FSTL5: variants seen among roughly 807,000 people sequenced by gnomAD.
FSTL5 encodes the protein follistatin-related protein 5.
A neutral mutation model predicts 89.1 loss-of-function variants in FSTL5; 62 were observed. The observed-to-expected ratio is 0.70, with a 90% CI of 0.57 to 0.86. FSTL5 has a LOEUF of 0.86. Among genes scored for constraint, FSTL5 ranks in the 40% least tolerant of loss-of-function variants. The probability of loss-of-function intolerance (pLI) is 0.00; values close to 1 mark genes in which losing one functional copy is unlikely to be tolerated. For missense variants in FSTL5, 1,057 were observed against 1,001.6 expected (o/e 1.06, Z -0.75); for synonymous variants, 383 against 346.2 (o/e 1.11, Z -1.18).
Position 161,633,247 on chromosome 4 carries a change from CTTTTGT to C in FSTL5, c.894+23075_894+23080del, listed in dbSNP as rs750306360. On this transcript the variant is annotated intron_variant, in intron 7 of 15. Transcript: ENST00000306100. ...ACTAAATTATACAGCTTCCCCCCCA[CTTTTGT>C]TTTTGTTTTTGTTTTCTGTGTCTTT... Among the ~76,000 whole-genome samples, 55 of 149,908 alleles carry C rather than the reference CTTTTGT, an allele frequency of 3.7e-4. No individual in the cohort carries two copies. In the East Asian group the frequency reaches 5.8e-3, roughly 16 times the overall value.
chr4:161,785,305 G>C (rs1741861900), intron 4 of FSTL5, among the ~76,000 whole-genome samples: 1 of 152,154 alleles, frequency 6.6e-6, no homozygotes. Flanking sequence ...CTATCCAGGA[G>C]TCAGTCTCAG....
At chr4:161,827,815 CAG>C (rs1231628276) in intron 4 of FSTL5, among the ~76,000 whole-genome samples, 1 of 152,112 alleles carries the variant, frequency 6.6e-6, no homozygotes, top group East Asian at 1.9e-4. Flanking sequence ...CCCAACAGCA[CAG>C]AGTTTGTTTC....
chr4:162,001,733 G>A (rs924925380), intron 3 of FSTL5, among the ~76,000 whole-genome samples: 3 of 152,088 alleles, frequency 2.0e-5, no homozygotes. Context: ...GACTCTTCAA[G>A]CCCAGGATTT....
chr4:161,728,427 C>A (rs1375121735), intron 6 of FSTL5, among the ~76,000 whole-genome samples: 1 of 151,962 alleles, frequency 6.6e-6, no homozygotes, highest in African/African-American at 2.4e-5. Context: ...AAGGGCTGTG[C>A]AAAGATTTGG....
intron 1 of FSTL5, among the ~76,000 whole-genome samples, chr4:162,151,786 C>T (rs767976842): frequency 1.1e-4 from 17 of 152,144 alleles, no homozygotes; most frequent in Non-Finnish European, 2.4e-4. Context: ...AATATTTAAA[C>T]AATTCCGAAT....
At chr4:161,863,320 T>C (rs1003536623) in intron 4 of FSTL5, among the ~76,000 whole-genome samples, 2 of 152,212 alleles carry the variant, frequency 1.3e-5, no homozygotes, top group African/African-American at 4.8e-5. Flanking sequence ...TTTTACTATA[T>C]ACAGTAAAAT....
chr4:161,580,733 G>T (rs978681702), intron 8 of FSTL5, among the ~76,000 whole-genome samples: 4 of 152,134 alleles, frequency 2.6e-5, no homozygotes, highest in African/African-American at 9.7e-5. Flanking sequence ...GCTTCCTTGA[G>T]TGTAGTTGAT....
chr4:161,809,000 C>T (rs765280338), intron 4 of FSTL5, among the ~76,000 whole-genome samples: 4 of 152,106 alleles, frequency 2.6e-5, no homozygotes, highest in Non-Finnish European at 4.4e-5. Context: ...GGGCAGATCA[C>T]GAGGTCAGAA....
intron 6 of FSTL5, among the ~76,000 whole-genome samples, chr4:161,736,761 C>T (rs1175321007): frequency 6.6e-6 from 1 of 151,940 alleles, no homozygotes; most frequent in Non-Finnish European, 1.5e-5. Context: ...AAAACAGATT[C>T]CTCTGTATGG....
intron 4 of FSTL5, among the ~76,000 whole-genome samples, chr4:161,786,930 G>A (rs17041484): frequency 0.068 from 10,290 of 151,846 alleles, 588 homozygotes; most frequent in African/African-American, 0.16. Flanking sequence ...TTTTTTATTC[G>A]CACACTTGCA....
intron 15 of FSTL5, among the ~76,000 whole-genome samples, chr4:161,423,047 T>C (rs1247032478): frequency 6.6e-6 from 1 of 152,218 alleles, no homozygotes; most frequent in African/African-American, 2.4e-5. Context: ...GAATTAATAA[T>C]GAGAGACTAT....
chr4:161,647,443 CT>C (rs1370698209), intron 7 of FSTL5, among the ~76,000 whole-genome samples: 8 of 151,308 alleles, frequency 5.3e-5, no homozygotes, highest in Non-Finnish European at 1.2e-4. Context: ...TTTGTTTCTT[CT>C]TTTGCAGTGT....
intron 3 of FSTL5, among the ~76,000 whole-genome samples, chr4:161,986,906 T>G (rs1272484897): frequency 6.6e-6 from 1 of 152,174 alleles, no homozygotes; most frequent in African/African-American, 2.4e-5. Flanking sequence ...CTACCGCAGA[T>G]TGATCACAAA....
At chr4:161,651,914 A>T (rs932690685) in intron 7 of FSTL5, among the ~76,000 whole-genome samples, 1 of 152,198 alleles carries the variant, frequency 6.6e-6, no homozygotes, top group Non-Finnish European at 1.5e-5. Flanking sequence ...TCAATTGAAT[A>T]TCAATTAGTC....
chr4:161,854,032 G>A (rs993626990), intron 4 of FSTL5, among the ~76,000 whole-genome samples: 2 of 152,090 alleles, frequency 1.3e-5, no homozygotes, highest in Admixed American at 6.6e-5. Flanking sequence ...TATCATAACA[G>A]CATCTATTTA....
chr4:162,015,147 T>C (rs1454334558), intron 3 of FSTL5, among the ~76,000 whole-genome samples: 2 of 152,178 alleles, frequency 1.3e-5, no homozygotes, highest in African/African-American at 4.8e-5. Flanking sequence ...TGAACAAGTG[T>C]ACCACAGTAA....
intron 4 of FSTL5, among the ~76,000 whole-genome samples, chr4:161,795,079 T>C (rs1729593845): frequency 6.6e-6 from 1 of 152,020 alleles, no homozygotes; most frequent in South Asian, 2.1e-4. Context: ...AAATATTTAT[T>C]GAATACCTTA....
chr4:161,981,686 A>G (rs150722807), intron 3 of FSTL5, among the ~76,000 whole-genome samples: 1 of 152,302 alleles, frequency 6.6e-6, no homozygotes, highest in African/African-American at 2.4e-5. Flanking sequence ...GGTACTTTTT[A>G]AATGTACTTT....
chr4:162,152,412 T>C (rs1733259335), intron 1 of FSTL5, among the ~76,000 whole-genome samples: 1 of 152,226 alleles, frequency 6.6e-6, no homozygotes, highest in African/African-American at 2.4e-5. Flanking sequence ...CTCTTGATAT[T>C]CTGCCAAAGG....
Sources: allele counts gnomAD v4.1 joint callset (sites outside exome capture counted in the v4.1 genomes callset), GRCh38; gene constraint gnomAD v4.1.1; transcripts MANE v1.5; gene names NCBI Gene and HGNC (gene_info 2026-07-23, HGNC 2026-07-21).